SKI: variants seen among roughly 807,000 people sequenced by gnomAD.
SKI encodes the protein ski oncogene.
SKI carries 23 observed loss-of-function variants against 59.3 expected under a neutral mutation model. The observed-to-expected ratio is 0.39, with a 90% CI of 0.28 to 0.55. The LOEUF (loss-of-function observed/expected upper bound fraction) is 0.55. Ranked by LOEUF, SKI falls within the 20% of genes least tolerant of loss-of-function variation. The pLI is 0.67. For synonymous variants in SKI, 673 were observed against 488.6 expected, an observed-to-expected ratio of 1.38 and a Z score of -4.98; for missense variants, 1,017 against 1,038.9, an observed-to-expected ratio of 0.98 and a Z score of 0.29.
At chr1:2,272,286 A>T (rs1313376897) in intron 1 of SKI, among the ~76,000 whole-genome samples, 1 of 152,258 alleles carries the variant, frequency 6.6e-6, no homozygotes, top group African/African-American at 2.4e-5. Context: ...TAGCTTAAAA[A>T]TGGTGTTAAA....
intron 1 of SKI, among the ~76,000 whole-genome samples, chr1:2,302,199 C>G (rs1430728918): frequency 6.6e-6 from 1 of 152,084 alleles, no homozygotes; most frequent in Non-Finnish European, 1.5e-5. Flanking sequence ...GGTCCAGGCA[C>G]CTTCGCTAAG....
At chr1:2,274,423 C>T (rs981777693) in intron 1 of SKI, among the ~76,000 whole-genome samples, 1 of 152,054 alleles carries the variant, frequency 6.6e-6, no homozygotes, top group Non-Finnish European at 1.5e-5. Context: ...GGGTGCAGTT[C>T]CCCGTGGGCG....
At position 2,240,663 on chromosome 1, in the gene SKI, C is replaced by T. The variant is rs540006627; in HGVS notation, c.969+10928C>T. The T allele has an allele frequency of 3.7e-4, 369 of 985,440 alleles. 2 individuals are homozygous for T. In the African/African-American group the frequency reaches 5.0e-3, roughly 13 times the overall value. The allele number at this position is 985,440 out of a possible 1,614,324, so 61.0% of individuals were successfully genotyped here. A position where few individuals can be genotyped will look rare whatever the true frequency, so the allele number is the denominator to read the frequency against. On this transcript the variant is annotated intron_variant, in intron 1 of 6. Coordinates refer to ENST00000378536, the MANE Select transcript of SKI (RefSeq NM_003036.4). ...ATTAACAAGAAAACTTGGAATTCTT[C>T]GAAGTGAAGCTCTCTCTACTTGTTC...
At chr1:2,247,134 A>G (rs1320083431) in intron 1 of SKI, among the ~76,000 whole-genome samples, 2 of 152,170 alleles carry the variant, frequency 1.3e-5, no homozygotes, top group East Asian at 1.9e-4. Context: ...CAGGAGAATC[A>G]CTTGAACCTG....
At chr1:2,263,365 G>A (rs2100841781) in intron 1 of SKI, among the ~76,000 whole-genome samples, 1 of 151,566 alleles carries the variant, frequency 6.6e-6, no homozygotes, top group South Asian at 2.1e-4. Context: ...AGCCTTCCAA[G>A]TAGTAGGGAT....
chr1:2,235,787 A>G (rs1307491071), intron 1 of SKI, among the ~76,000 whole-genome samples: 2 of 152,262 alleles, frequency 1.3e-5, no homozygotes, highest in Non-Finnish European at 2.9e-5. Flanking sequence ...GACTAGGACC[A>G]GATGGACTGA....
chr1:2,251,807 A>G (rs1639157664), intron 1 of SKI, among the ~76,000 whole-genome samples: 1 of 152,144 alleles, frequency 6.6e-6, no homozygotes, highest in Non-Finnish European at 1.5e-5. Context: ...AATGTCGACC[A>G]TTTTCTCGAG....
At chr1:2,292,087 C>A (rs539062361) in intron 1 of SKI, among the ~76,000 whole-genome samples, 1 of 152,132 alleles carries the variant, frequency 6.6e-6, no homozygotes, top group East Asian at 1.9e-4. Flanking sequence ...TCACGTGAGC[C>A]GATTCTTGAG....
intron 1 of SKI, among the ~76,000 whole-genome samples, chr1:2,274,740 T>G (rs987605948): frequency 6.6e-6 from 1 of 152,188 alleles, no homozygotes; most frequent in African/African-American, 2.4e-5. Context: ...GCTGCAGCCC[T>G]GGACCCTAGG....
In SKI at chr1:2,304,285, C is replaced by T. The variant is rs1305578676; in HGVS notation, c.1475-8C>T. On this transcript the variant is annotated splice_polypyrimidine_tract_variant and splice_region_variant and intron_variant, in intron 4 of 6. Coordinates refer to ENST00000378536, the MANE Select transcript of SKI (RefSeq NM_003036.4). ...ATGACTTTGTTTCTGTCTCTGCTTC[C>T]TCCTCAGTCACCTCCTCCTTGTCCT... 1 of 1,551,702 alleles carries T rather than the reference C, an allele frequency of 6.4e-7. No homozygotes were observed. Among genetic ancestry groups the T allele is most frequent in the Non-Finnish European group, 8.7e-7 (1 of 1,146,930 alleles).
chr1:2,305,970 G>T (rs1640562462), intron 5 of SKI, 50 bp from the exon 6 acceptor site: 2 of 1,363,776 alleles, frequency 1.5e-6, no homozygotes. Flanking sequence ...ATGGTGAGGG[G>T]TGTGCTGGGA....
chr1:2,294,419 G>A (rs573144827), intron 1 of SKI, among the ~76,000 whole-genome samples: 5 of 152,354 alleles, frequency 3.3e-5, no homozygotes, highest in South Asian at 2.1e-4. Context: ...CCAGAGCCCC[G>A]ACTCCCGCTG....
chr1:2,237,678 G>A (rs1159455565), intron 1 of SKI, among the ~76,000 whole-genome samples: 4 of 152,232 alleles, frequency 2.6e-5, no homozygotes, highest in African/African-American at 9.6e-5. Flanking sequence ...TTTTACTATG[G>A]AGCAGATGTA....
At chr1:2,249,451 G>A (rs538821907) in intron 1 of SKI, among the ~76,000 whole-genome samples, 1 of 152,372 alleles carries the variant, frequency 6.6e-6, no homozygotes, top group Non-Finnish European at 1.5e-5. Context: ...CAAGGCTGAG[G>A]GGGACCCTTT....
intron 6 of SKI, 25 bp downstream of exon 6, chr1:2,306,275 A>G: frequency 6.5e-7 from 1 of 1,528,392 alleles, no homozygotes; most frequent in Non-Finnish European, 8.8e-7. Flanking sequence ...AGACTGAGGC[A>G]CGCAGCACGG....
chr1:2,263,820 C>T (rs1009266668), intron 1 of SKI, among the ~76,000 whole-genome samples: 9 of 144,906 alleles, frequency 6.2e-5, no homozygotes, highest in African/African-American at 1.8e-4. Flanking sequence ...TCACCCATCT[C>T]TGTGCCACTG....
chr1:2,264,795 C>G (rs573524555), intron 1 of SKI, among the ~76,000 whole-genome samples: 31 of 151,924 alleles, frequency 2.0e-4, no homozygotes, highest in Non-Finnish European at 2.8e-4. Context: ...GACGGACATG[C>G]CTCTTCTTTT....
At chr1:2,247,448 G>A (rs1569713520) in intron 1 of SKI, among the ~76,000 whole-genome samples, 1 of 152,202 alleles carries the variant, frequency 6.6e-6, no homozygotes, top group African/African-American at 2.4e-5. Flanking sequence ...CCTGGAGAAA[G>A]TTCTTTTAGC....
At chr1:2,265,101 G>A (rs143184957) in intron 1 of SKI, among the ~76,000 whole-genome samples, 19 of 152,190 alleles carry the variant, frequency 1.2e-4, no homozygotes, top group African/African-American at 2.2e-4. Flanking sequence ...AGTGAGCCAC[G>A]GCGCCCGGCT....
Sources: allele counts gnomAD v4.1 joint callset (sites outside exome capture counted in the v4.1 genomes callset), GRCh38; gene constraint gnomAD v4.1.1; transcripts MANE v1.5; gene names NCBI Gene and HGNC (gene_info 2026-07-23, HGNC 2026-07-21).